The following CRACDL variants were observed in gnomAD, a reference collection of about 807,000 sequenced individuals.
CRACDL encodes the protein CRACD like, also known as CRACD-like protein.
CRACDL carries 26 observed loss-of-function variants against 70.6 expected under a neutral mutation model. The ratio of observed to expected loss-of-function variants is 0.37; its 90% CI spans 0.27 to 0.51. CRACDL has a LOEUF of 0.51. CRACDL is among the 20% of genes least tolerant of loss of function. The pLI, the probability that CRACDL is intolerant of heterozygous loss-of-function variation, is 0.94. For missense variants in CRACDL, 1,283 were observed against 1,376.9 expected (o/e 0.93, Z 1.08); for synonymous variants, 618 against 615.2 (o/e 1.00, Z -0.07).
chr2:98,875,168 G>C (rs982587794), intron 1 of CRACDL, among the ~76,000 whole-genome samples: 2 of 152,214 alleles, frequency 1.3e-5, no homozygotes, highest in African/African-American at 4.8e-5. Flanking sequence ...GCACCTCACT[G>C]TCAGGGGCAG....
intron 5 of CRACDL, among the ~76,000 whole-genome samples, chr2:98,830,347 G>T (rs1034041062): frequency 6.6e-6 from 1 of 152,106 alleles, no homozygotes; most frequent in East Asian, 1.9e-4. Flanking sequence ...TAATCTTAAA[G>T]TTTTCTGTCT....
intron 7 of CRACDL, among the ~76,000 whole-genome samples, chr2:98,804,023 T>A (rs1423743362): frequency 1.3e-5 from 2 of 152,178 alleles, no homozygotes; most frequent in Non-Finnish European, 2.9e-5. Flanking sequence ...TAAAAGCCAT[T>A]TATTGATCTG....
intron 7 of CRACDL, 57 bp from the exon 8 acceptor site, chr2:98,797,594 C>A: frequency 2.0e-6 from 3 of 1,530,540 alleles, no homozygotes; most frequent in South Asian, 1.1e-5. Context: ...TCGGTTGCAC[C>A]CTTTGTGTCT....
chr2:98,907,295 GAAACAAAACA>G (rs768493136), intron 1 of CRACDL, among the ~76,000 whole-genome samples: 5 of 151,968 alleles, frequency 3.3e-5, no homozygotes, highest in Admixed American at 1.3e-4. Flanking sequence ...TCCATCTCAG[GAAACAAAACA>G]AAACAAAACA....
chr2:98,916,459 C>T (rs1394775925), intron 1 of CRACDL, among the ~76,000 whole-genome samples: 2 of 152,084 alleles, frequency 1.3e-5, no homozygotes, highest in Non-Finnish European at 2.9e-5. Context: ...AAACTGTGCA[C>T]TTTAAATGTG....
chr2:98,891,578 G>C (rs910550309), intron 1 of CRACDL, among the ~76,000 whole-genome samples: 15 of 152,000 alleles, frequency 9.9e-5, no homozygotes, highest in African/African-American at 3.6e-4. Context: ...TTTAAAAGTA[G>C]AGAGGAGGAA....
intron 1 of CRACDL, among the ~76,000 whole-genome samples, chr2:98,928,875 G>A (rs1041093303): frequency 7.9e-5 from 12 of 152,188 alleles, no homozygotes; most frequent in African/African-American, 2.9e-4. Context: ...GCTTGTAGCT[G>A]ACACCCAGCA....
At chr2:98,800,844 C>A (rs909526154) in intron 7 of CRACDL, among the ~76,000 whole-genome samples, 5 of 152,240 alleles carry the variant, frequency 3.3e-5, no homozygotes, top group Non-Finnish European at 7.3e-5. Context: ...CCTTTCCTTA[C>A]ATCAGGAGCA....
At chr2:98,857,653 T>G (rs1457456346) in intron 1 of CRACDL, among the ~76,000 whole-genome samples, 3 of 152,150 alleles carry the variant, frequency 2.0e-5, no homozygotes, top group Non-Finnish European at 4.4e-5. Context: ...AACAAAGTAC[T>G]CTGATATAAA....
chr2:98,872,464 G>A (rs1483898434), intron 1 of CRACDL, among the ~76,000 whole-genome samples: 1 of 152,176 alleles, frequency 6.6e-6, no homozygotes, highest in Non-Finnish European at 1.5e-5. Context: ...TTCAAAAGGG[G>A]GAGGGTGGAA....
chr2:98,834,799 A>G lies in CRACDL; in HGVS notation c.240-1802T>C, dbSNP rs1051625993. Among the ~76,000 whole-genome samples the G allele has an allele frequency of 5.3e-5, 8 of 152,330 alleles. 1 individual carries two copies. Among genetic ancestry groups the G allele is most frequent in the Admixed American group, 5.2e-4 (8 of 15,304 alleles). ...AATTTTATATCAGATTGTTGGCATG[A>G]CCACACAGAGAATATAATAATTTCA... On this transcript the variant is annotated intron_variant, in intron 3 of 9. Coordinates refer to ENST00000397899, the MANE Select transcript of CRACDL (RefSeq NM_207362.3).
chr2:98,933,312 G>A (rs1272869208), intron 1 of CRACDL, among the ~76,000 whole-genome samples: 1 of 152,194 alleles, frequency 6.6e-6, no homozygotes, highest in African/African-American at 2.4e-5. Flanking sequence ...ACCCTCTCCT[G>A]GTGCCCAGGG....
In CRACDL at chr2:98,822,915, G is replaced by T. The variant is rs781258791; in HGVS notation, c.1358C>A (p.Pro453His). 4 of 1,473,642 alleles carry T rather than the reference G, an allele frequency of 2.7e-6. No individual in the cohort carries two copies. In the Admixed American group the frequency reaches 7.6e-5, roughly 28 times the overall value. The allele number at this position is 1,473,642 out of a possible 1,614,324, so 91.3% of individuals were successfully genotyped here. The change falls in exon 7 of 10, where the codon CCC (proline) becomes CAC (histidine). Residue 453 changes from proline (P) to histidine (H), a missense_variant. Around this residue, in one of 2 missense-constraint regions of CRACDL, gnomAD observed 921 missense variants for 881.9 expected, o/e 1.04. Transcript: ENST00000397899. This position sits in a 1 kb window ranked among gnomAD's most constrained non-coding sequence, Gnocchi z 4.9. ...PPVLPDEEKGPPGPAPEPERE... is the reference protein window; with the variant it reads ...PPVLPDEEKGHPGPAPEPERE... ...CTCGGGCTCAGGCGCCGGCCCTGGG[G>T]GCCCCTTCTCCTCATCCGGGAGCAC...
intron 7 of CRACDL, among the ~76,000 whole-genome samples, chr2:98,820,828 T>C (rs556795192): frequency 2.0e-5 from 3 of 152,358 alleles, no homozygotes; most frequent in South Asian, 2.1e-4. Flanking sequence ...GATTCCAATA[T>C]ATGGAATACT....
chr2:98,866,980 G>A lies in CRACDL; in HGVS notation c.-10-20170C>T, dbSNP rs566303075. On this transcript the variant is annotated intron_variant, in intron 1 of 9. Coordinates refer to ENST00000397899, the MANE Select transcript of CRACDL (RefSeq NM_207362.3). ...GTCTGCTGGGCTTTGCAGACCCCTC[G>A]GTTTGGGAGTAAAGGAATATAGAAG... Among the ~76,000 whole-genome samples the A allele has an allele frequency of 9.9e-5, 15 of 152,174 alleles. No homozygotes were observed. The Middle Eastern group carries it at 0.01, about 104-fold the overall frequency.
At chr2:98,930,143 C>A (rs193017151) in intron 1 of CRACDL, among the ~76,000 whole-genome samples, 56 of 152,208 alleles carry the variant, frequency 3.7e-4, no homozygotes, top group African/African-American at 1.3e-3. Context: ...CACGACGGGG[C>A]GTATGTCTTG....
At chr2:98,888,269 T>G (rs1053786354) in intron 1 of CRACDL, among the ~76,000 whole-genome samples, 2 of 152,244 alleles carry the variant, frequency 1.3e-5, no homozygotes, top group Non-Finnish European at 2.9e-5. Flanking sequence ...ATACTTTTGT[T>G]TGTAATTTTT....
intron 1 of CRACDL, among the ~76,000 whole-genome samples, chr2:98,916,095 ACT>A (rs1375392352): frequency 6.6e-6 from 1 of 152,222 alleles, no homozygotes; most frequent in African/African-American, 2.4e-5. Flanking sequence ...AAAAGGGGAG[ACT>A]TTCCTAATTA....
chr2:98,832,534 G>A, intron 4 of CRACDL, 22 bp from the exon 5 acceptor site: 1 of 1,547,616 alleles, frequency 6.5e-7, no homozygotes, highest in Non-Finnish European at 8.7e-7. Context: ...TAAAGAACAT[G>A]TGCTCTTATT....
Sources: gnomAD v4.1 joint callset for allele counts (sites outside exome capture counted in the v4.1 genomes callset) on GRCh38, gnomAD v4.1.1 for gene constraint, gnomAD v4.1.1 regional missense constraint, Gnocchi (gnomAD v3.1) non-coding constraint, MANE v1.5 for transcripts, NCBI Gene and HGNC (gene_info 2026-07-23, HGNC 2026-07-21) for gene names.